The following ZNF610 variants were observed in gnomAD, a reference collection of about 807,000 sequenced individuals.
The protein encoded by ZNF610 is zink finger protein.
Under a neutral mutation model 14.1 loss-of-function variants are expected in ZNF610, and 14 were observed. The observed-to-expected ratio is 0.99, with a 90% CI of 0.65 to 1.55. The LOEUF (loss-of-function observed/expected upper bound fraction) is 1.55, where lower values mean the gene tolerates loss of function less well. Among genes scored for constraint, ZNF610 ranks in the 40% most tolerant of loss-of-function variants. The pLI is 0.00. For synonymous variants in ZNF610, 185 were observed against 187.6 expected (o/e 0.99, Z 0.11); for missense variants, 530 against 558.0 (o/e 0.95, Z 0.51).
At chr19:52,342,612 C>T (rs1009919194) in intron 1 of ZNF610, among the ~76,000 whole-genome samples, 2 of 151,348 alleles carry the variant, frequency 1.3e-5, no homozygotes, top group Non-Finnish European at 2.9e-5. Flanking sequence ...CTCTGCCTCC[C>T]GGGTTCAAGT....
In ZNF610 at chr19:52,367,185, A is replaced by C. The variant is rs1568657494; in HGVS notation, c.*418A>C. The C allele has an allele frequency of 6.3e-6, 1 of 157,614 alleles. No individual in the cohort carries two copies. Among genetic ancestry groups the C allele is most frequent in the Non-Finnish European group, 1.4e-5 (1 of 72,178 alleles). The allele number at this position is 157,614 out of a possible 1,614,324, so 9.8% of individuals were successfully genotyped here. ...ATTACCCAGGCTGGAGTGCAGTGGC[A>C]TGATCTTGGCTCACTGCAACCTCCG... is the stretch of plus-strand genomic sequence containing the variant. On this transcript the variant is annotated 3_prime_UTR_variant, in exon 6 of 6. Transcript: ENST00000403906.
upstream of ZNF610, among the ~76,000 whole-genome samples, chr19:52,335,358 T>A (rs1399449345): frequency 6.6e-6 from 1 of 152,202 alleles, no homozygotes; most frequent in Non-Finnish European, 1.5e-5. Context: ...TATGGTGGCA[T>A]GTGCCTGTAG....
chr19:52,366,517 C>T lies in ZNF610; in HGVS notation c.1139C>T (p.Ala380Val). The change falls in exon 6 of 6, where the codon GCA becomes GTA. Residue 380 changes from alanine to valine, a missense_variant. By Grantham distance (64) the Ala-to-Val change is moderately conservative. Transcript: ENST00000403906. ...KPYKCNECGR[A>V]FHKRPGLMAH... ...TACAAATGTAACGAATGTGGAAGAG[C>T]ATTTCACAAGCGTCCGGGCCTTATG... 6.2e-7 allele frequency: 1 copy of T among 1,614,118 alleles called. No homozygotes were observed. The highest frequency in any genetic ancestry group is 2.2e-5 in the East Asian group (1 of 44,874).
At chr19:52,338,436 C>A (rs1165940836) in intron 1 of ZNF610, among the ~76,000 whole-genome samples, 3 of 152,214 alleles carry the variant, frequency 2.0e-5, no homozygotes, top group Non-Finnish European at 4.4e-5. Context: ...CTAATCCCAG[C>A]ACTTTGGGAA....
intron 2 of ZNF610, among the ~76,000 whole-genome samples, chr19:52,348,733 AT>A (rs1210097400): frequency 6.6e-6 from 1 of 152,150 alleles, no homozygotes; most frequent in Admixed American, 6.5e-5. Context: ...ACATATCCTC[AT>A]GGATACGGGG....
chr19:52,343,170 T>G (rs1287823162), intron 1 of ZNF610, among the ~76,000 whole-genome samples: 1 of 152,156 alleles, frequency 6.6e-6, no homozygotes, highest in East Asian at 1.9e-4. Context: ...ACCCTGTACT[T>G]TCTGGGAATT....
chr19:52,346,201 T>A (rs1377411122), intron 1 of ZNF610, among the ~76,000 whole-genome samples: 1 of 150,910 alleles, frequency 6.6e-6, no homozygotes, highest in Non-Finnish European at 1.5e-5. Context: ...TTGGTTTTTT[T>A]TGAGATAGAG....
At position 52,366,281 on chromosome 19, in the gene ZNF610, G is replaced by A. The variant is rs162119; in HGVS notation, c.903G>A (p.Ser301=). Reference sequence around the variant, plus strand: ...GTGGCAAAGCTTTTAGAGAGTGTTCGGGACTTACTACCCATCTTGTAATCC... The same window carrying A: ...GTGGCAAAGCTTTTAGAGAGTGTTCAGGACTTACTACCCATCTTGTAATCC... ...NECGKAFREC[S]GLTTHLVIHT... is the part of the protein sequence containing the mutation. The change falls in exon 6 of 6, where the codon TCG becomes TCA. Residue 301 remains serine (S), a synonymous_variant. Coordinates refer to ENST00000403906, the MANE Select transcript of ZNF610 (RefSeq NM_001161425.2). 0.86 allele frequency: 1,385,783 copies of A among 1,613,904 alleles called. 597,631 individuals are homozygous for A. The highest frequency in any genetic ancestry group is 0.88 in the South Asian group (80,404 of 91,068).
chr19:52,340,128 C>T (rs947121570), intron 1 of ZNF610, among the ~76,000 whole-genome samples: 5 of 152,132 alleles, frequency 3.3e-5, no homozygotes, highest in East Asian at 1.9e-4. Context: ...GGGCCAGACG[C>T]GTTGGCTTAA....
chr19:52,348,174 A>G (rs1002933448), intron 2 of ZNF610: 10 of 152,184 alleles, frequency 6.6e-5, no homozygotes, highest in African/African-American at 2.4e-4. Context: ...GCAGTCTGTA[A>G]TGAAATGGTC....
chr19:52,338,234 C>T (rs138335380), intron 1 of ZNF610, among the ~76,000 whole-genome samples: 1 of 152,322 alleles, frequency 6.6e-6, no homozygotes, highest in African/African-American at 2.4e-5. Context: ...CGGGGGTTCC[C>T]ATGACCCTTT....
chr19:52,349,629 G>A (rs186898337), intron 3 of ZNF610, among the ~76,000 whole-genome samples: 29 of 151,126 alleles, frequency 1.9e-4, no homozygotes, highest in Middle Eastern at 3.4e-3. Context: ...CTGGAGTGCA[G>A]TGGCACGATC....
chr19:52,352,188 G>T (rs974963547), intron 3 of ZNF610, among the ~76,000 whole-genome samples: 8 of 152,102 alleles, frequency 5.3e-5, no homozygotes, highest in African/African-American at 1.9e-4. Flanking sequence ...TGTTTCTTGT[G>T]TGTGTGTGTC....
intron 1 of ZNF610, among the ~76,000 whole-genome samples, chr19:52,346,777 T>C (rs1984980684): frequency 6.6e-6 from 1 of 152,118 alleles, no homozygotes; most frequent in Admixed American, 6.6e-5. Flanking sequence ...GTCACCAGGC[T>C]GGAGTACAGT....
rs2122232945 is a variant in ZNF610 at position 52,353,697 on chromosome 19, A to G, written c.79A>G (p.Met27Val). The change falls in exon 4 of 6, where the codon ATG (methionine) becomes GTG (valine). Residue 27 changes from methionine to valine, a missense_variant. Met to Val is a conservative substitution (Grantham distance 21). Coordinates refer to ENST00000403906, the MANE Select transcript of ZNF610 (RefSeq NM_001161425.2). ...MALPQGRLTF[M>V]DVAIEFSQEE... The stretch of plus-strand genomic sequence containing the variant: ...CTCATTTTAGGGACGCTTGACATTC[A>G]TGGACGTGGCCATCGAATTCTCTCA... The G allele has an allele frequency of 6.2e-7, 1 of 1,613,860 alleles. No homozygotes were observed. Among genetic ancestry groups the G allele is most frequent in the East Asian group, 2.2e-5 (1 of 44,856 alleles).
At chr19:52,331,454 G>C (rs370535567), upstream of ZNF610, among the ~76,000 whole-genome samples, 1 of 152,216 alleles carries the variant, frequency 6.6e-6, no homozygotes, top group Non-Finnish European at 1.5e-5. Context: ...TAAATCTAAT[G>C]TGGTGGCCTG....
intron 1 of ZNF610, among the ~76,000 whole-genome samples, chr19:52,346,409 C>T (rs141187080): frequency 0.013 from 1,846 of 146,288 alleles, 133 homozygotes; most frequent in African/African-American, 0.049. Context: ...GTGATCTGCC[C>T]GCCTCGGCCT....
chr19:52,361,629 T>A (rs200413817), intron 5 of ZNF610, among the ~76,000 whole-genome samples: 8 of 103,156 alleles, frequency 7.8e-5, no homozygotes, highest in East Asian at 3.5e-4. Flanking sequence ...ATTTAAAAAT[T>A]TTTTTTTTCA....
chr19:52,364,265 A>G (rs1985917719), intron 5 of ZNF610, among the ~76,000 whole-genome samples: 1 of 152,230 alleles, frequency 6.6e-6, no homozygotes, highest in Admixed American at 6.5e-5. Context: ...TGAAAAGTAC[A>G]ATAATGCATG....
Sources: allele counts gnomAD v4.1 joint callset (sites outside exome capture counted in the v4.1 genomes callset), GRCh38; gene constraint gnomAD v4.1.1; transcripts MANE v1.5; gene names NCBI Gene and HGNC (gene_info 2026-07-23, HGNC 2026-07-21).